The following ARL6IP6 variants were observed in gnomAD, a reference collection of about 807,000 sequenced individuals.
The protein encoded by ARL6IP6 is ARF like GTPase 6 interacting protein 6, also known as ADP-ribosylation factor-like protein 6-interacting protein 6.
A neutral mutation model predicts 21.5 loss-of-function variants in ARL6IP6; 22 were observed. The observed-to-expected ratio is 1.02, with a 90% CI of 0.73 to 1.46. The LOEUF (loss-of-function observed/expected upper bound fraction) is 1.46, where lower values mean the gene tolerates loss of function less well. Ranked by LOEUF, ARL6IP6 falls within the 40% of genes most tolerant of loss-of-function variation. ARL6IP6 has a pLI of 0.00. For synonymous variants in ARL6IP6, 164 were observed against 125.3 expected (o/e 1.31, Z -2.06); for missense variants, 388 against 299.8 (o/e 1.29, Z -2.17).
At chr2:152,754,643 G>A (rs1428469935) in intron 3 of ARL6IP6, among the ~76,000 whole-genome samples, 2 of 152,130 alleles carry the variant, frequency 1.3e-5, no homozygotes, top group African/African-American at 4.8e-5. Context: ...CCTCCAAACT[G>A]TTTCCTACAG....
chr2:152,741,676 T>C (rs1700814788), intron 3 of ARL6IP6, among the ~76,000 whole-genome samples: 1 of 152,188 alleles, frequency 6.6e-6, no homozygotes, highest in African/African-American at 2.4e-5. Context: ...CTTAGCAATT[T>C]TCACTTTTAC....
At chr2:152,721,219 C>T (rs1016803163) in intron 2 of ARL6IP6, among the ~76,000 whole-genome samples, 1 of 152,184 alleles carries the variant, frequency 6.6e-6, no homozygotes, top group Admixed American at 6.5e-5. Flanking sequence ...TAATTACCTT[C>T]TGGAAGAGGC....
intron 3 of ARL6IP6, among the ~76,000 whole-genome samples, chr2:152,758,580 G>A (rs1054190487): frequency 3.9e-5 from 6 of 152,126 alleles, no homozygotes; most frequent in African/African-American, 1.4e-4. Flanking sequence ...CACATGAGAA[G>A]CATCTTTGAC....
At chr2:152,745,946 T>C (rs1168656762) in intron 3 of ARL6IP6, among the ~76,000 whole-genome samples, 3 of 149,004 alleles carry the variant, frequency 2.0e-5, no homozygotes, top group South Asian at 2.2e-4. Context: ...TTGTATTAAC[T>C]ATTGGTTTTA....
chr2:152,732,986 C>T (rs1700391465), intron 2 of ARL6IP6, among the ~76,000 whole-genome samples: 1 of 151,640 alleles, frequency 6.6e-6, no homozygotes, highest in Non-Finnish European at 1.5e-5. Flanking sequence ...AGTTGAAATT[C>T]TGTGTCTTAT....
At chr2:152,759,693 T>C in intron 3 of ARL6IP6, 54 bp from the exon 4 acceptor site, 3 of 1,453,824 alleles carry the variant, frequency 2.1e-6, no homozygotes, top group Admixed American at 3.4e-5. Context: ...TTGGTGTCTT[T>C]GTTATACCAC....
intron 2 of ARL6IP6, among the ~76,000 whole-genome samples, chr2:152,722,104 G>A (rs1699819033): frequency 6.6e-6 from 1 of 152,150 alleles, no homozygotes; most frequent in Non-Finnish European, 1.5e-5. Flanking sequence ...GTAGAATGAC[G>A]GGCAGTTGTT....
chr2:152,718,517 C>T (rs1411408046), upstream of ARL6IP6: 4 of 1,450,642 alleles, frequency 2.8e-6, no homozygotes, highest in South Asian at 4.6e-5. Flanking sequence ...TACCCCTGGG[C>T]TCTGAGGCCT....
chr2:152,722,355 A>G (rs1016494256), intron 2 of ARL6IP6, among the ~76,000 whole-genome samples: 2 of 152,236 alleles, frequency 1.3e-5, no homozygotes, highest in South Asian at 2.1e-4. Context: ...AAAACCCAAC[A>G]GCTATGCCAA....
In ARL6IP6 at chr2:152,744,628, A is replaced by G. The variant is rs545372183; in HGVS notation, c.587+9502A>G. ...GGGAATTTGCATTATTTCACAGTTA[A>G]TATACAAATCAGCGGGTATCTGCTA... On this transcript the variant is annotated intron_variant, in intron 3 of 3. Transcript: ENST00000326446. Among the ~76,000 whole-genome samples, 3 of 152,232 alleles carry G rather than the reference A, an allele frequency of 2.0e-5. No individual in the cohort carries two copies. In the South Asian group the frequency reaches 6.2e-4, roughly 32 times the overall value.
chr2:152,742,386 A>G (rs1191991138), intron 3 of ARL6IP6, among the ~76,000 whole-genome samples: 2 of 152,030 alleles, frequency 1.3e-5, no homozygotes, highest in Non-Finnish European at 2.9e-5. Flanking sequence ...TAGTCAACAT[A>G]GTGAGATGCT....
intron 2 of ARL6IP6, among the ~76,000 whole-genome samples, chr2:152,723,449 T>C (rs1363109452): frequency 6.6e-6 from 1 of 152,248 alleles, no homozygotes; most frequent in Non-Finnish European, 1.5e-5. Flanking sequence ...CCACACATGC[T>C]ATTATCTTAA....
At chr2:152,725,132 A>G (rs1330229890) in intron 2 of ARL6IP6, among the ~76,000 whole-genome samples, 2 of 152,164 alleles carry the variant, frequency 1.3e-5, no homozygotes, top group East Asian at 1.9e-4. Flanking sequence ...CTTCAAAAGA[A>G]TAAAGAAAAC....
At chr2:152,727,134 T>C (rs747039461) in intron 2 of ARL6IP6, among the ~76,000 whole-genome samples, 2 of 152,174 alleles carry the variant, frequency 1.3e-5, no homozygotes, top group Non-Finnish European at 2.9e-5. Flanking sequence ...GTTGTTGCCC[T>C]TGAAGACCTT....
chr2:152,718,870 T>G lies in ARL6IP6; in HGVS notation c.246T>G (p.Val82=), dbSNP rs757488232. Residue 82 remains valine, a synonymous_variant, in exon 1 of 4, where the codon GTT becomes GTG. Transcript: ENST00000326446. ...CGCCGGACGGGAACGGGTCGCCCGT[T>G]CTGCCCGATAAGCGCAATGGTATCT... is the stretch of plus-strand genomic sequence containing the variant. ...VLPPDGNGSP[V]LPDKRNGIFP... 1.2e-5 allele frequency: 20 copies of G among 1,613,612 alleles called. No individual in the cohort carries two copies. Among genetic ancestry groups the G allele is most frequent in the Admixed American group, 6.7e-5 (4 of 59,966 alleles).
upstream of ARL6IP6, chr2:152,717,740 C>T: frequency 7.6e-7 from 1 of 1,319,076 alleles, no homozygotes; most frequent in South Asian, 1.6e-5. Context: ...CCCAGCTTCC[C>T]GAGCTTAGAC....
At chr2:152,753,179 T>C (rs1471386795) in intron 3 of ARL6IP6, among the ~76,000 whole-genome samples, 1 of 152,148 alleles carries the variant, frequency 6.6e-6, no homozygotes, top group African/African-American at 2.4e-5. Context: ...GAAGCCACCA[T>C]TCTTTTTACT....
chr2:152,747,864 C>T (rs916633643), intron 3 of ARL6IP6, among the ~76,000 whole-genome samples: 4 of 152,094 alleles, frequency 2.6e-5, no homozygotes, highest in African/African-American at 9.7e-5. Context: ...AGCCACCATG[C>T]CTGGCCAAAA....
intron 1 of ARL6IP6, among the ~76,000 whole-genome samples, chr2:152,719,676 A>G (rs1186810558): frequency 6.7e-6 from 1 of 150,170 alleles, no homozygotes; most frequent in Non-Finnish European, 1.5e-5. Context: ...TGGCTAGTGT[A>G]TATTATAGTG....
Sources: gnomAD v4.1 joint callset for allele counts (sites outside exome capture counted in the v4.1 genomes callset) on GRCh38, gnomAD v4.1.1 for gene constraint, MANE v1.5 for transcripts, NCBI Gene and HGNC (gene_info 2026-07-23, HGNC 2026-07-21) for gene names.